Variants in NF2 observed in about 807,000 individuals in gnomAD.
NF2 encodes NF2, moesin-ezrin-radixin like (MERLIN) tumor suppressor.
A neutral mutation model predicts 83.7 loss-of-function variants in NF2; 8 were observed. The ratio of observed to expected loss-of-function variants is 0.10; its 90% CI spans 0.06 to 0.17. The LOEUF is 0.17. Ranked by LOEUF, NF2 falls within the 10% of genes least tolerant of loss-of-function variation. The probability of loss-of-function intolerance (pLI) is 1.00; values close to 1 mark genes in which losing one functional copy is unlikely to be tolerated. For synonymous variants in NF2, 266 were observed against 269.6 expected (o/e 0.99, Z 0.13); for missense variants, 533 against 744.4 (o/e 0.72, Z 3.31).
intron 15 of NF2, among the ~76,000 whole-genome samples, chr22:29,690,017 G>T (rs1327088087): frequency 5.9e-5 from 9 of 152,250 alleles, no homozygotes; most frequent in Non-Finnish European, 1.2e-4. Context: ...TTCCAGCAGG[G>T]GGCACTCAGG....
intron 4 of NF2, among the ~76,000 whole-genome samples, chr22:29,652,019 C>A (rs538021638): frequency 3.9e-5 from 6 of 152,224 alleles, no homozygotes; most frequent in South Asian, 2.1e-4. Flanking sequence ...TCACCATAAG[C>A]CATGTGCTGT....
rs181779066 is a variant in NF2 at position 29,649,928 on chromosome 22, C to T, written c.448-4729C>T. Among the ~76,000 whole-genome samples, 4 of 152,194 alleles carry T rather than the reference C, an allele frequency of 2.6e-5. No homozygotes were observed. The East Asian group carries it at 5.8e-4, about 22-fold the overall frequency. ...AAGGATAAATGCTTGAGGGGATGGA[C>T]ACCCCATTCTCCATGATGTGATTAT... On this transcript the variant is annotated intron_variant, in intron 4 of 15. Transcript: ENST00000338641.
intron 1 of NF2, among the ~76,000 whole-genome samples, chr22:29,612,480 C>T (rs897505161): frequency 1.3e-5 from 2 of 151,324 alleles, no homozygotes; most frequent in Admixed American, 1.3e-4. Context: ...GCGCGATCAT[C>T]CCTAGCTTTT....
chr22:29,660,145 A>G (rs2066434389), intron 7 of NF2, among the ~76,000 whole-genome samples: 1 of 152,172 alleles, frequency 6.6e-6, no homozygotes, highest in African/African-American at 2.4e-5. Flanking sequence ...AGACCACAGC[A>G]CTGGCGGGTG....
chr22:29,617,370 A>C (rs747887717), intron 1 of NF2, among the ~76,000 whole-genome samples: 1 of 152,134 alleles, frequency 6.6e-6, no homozygotes, highest in Non-Finnish European at 1.5e-5. Context: ...GGCACTATTG[A>C]CATTTTGGCT....
chr22:29,617,444 C>T (rs2065109383), intron 1 of NF2, among the ~76,000 whole-genome samples: 3 of 152,064 alleles, frequency 2.0e-5, no homozygotes, highest in Non-Finnish European at 4.4e-5. Context: ...GATCTCTGGC[C>T]TCTACCTACT....
At chr22:29,643,386 G>C (rs2065867847) in intron 4 of NF2, among the ~76,000 whole-genome samples, 1 of 151,916 alleles carries the variant, frequency 6.6e-6, no homozygotes, top group African/African-American at 2.4e-5. Flanking sequence ...AAGGTCAGCA[G>C]ATAAACAAGT....
intron 7 of NF2, 61 bp from the exon 8 acceptor site, chr22:29,661,144 G>T (rs1478091071): frequency 6.2e-7 from 1 of 1,612,162 alleles, no homozygotes. Flanking sequence ...TCTTTGGAAG[G>T]TTGAATAAAA....
chr22:29,660,895 A>G (rs1391395543), intron 7 of NF2, among the ~76,000 whole-genome samples: 3 of 152,158 alleles, frequency 2.0e-5, no homozygotes, highest in East Asian at 1.9e-4. Flanking sequence ...TTCTATACCT[A>G]TGATAGCCTG....
At chr22:29,625,645 G>T (rs1036962297) in intron 1 of NF2, among the ~76,000 whole-genome samples, 1 of 152,196 alleles carries the variant, frequency 6.6e-6, no homozygotes, top group Non-Finnish European at 1.5e-5. Context: ...CATTTTTAGC[G>T]TGTCAAAATT....
Position 29,603,898 on chromosome 22 carries a change from C to G in NF2, c.-101C>G. ...ACCGTTCCCGGGCCGGGCAGCCGGC[C>G]ACCATGGTGGCCCTGAGGCCTGTGC... On this transcript the variant is annotated 5_prime_UTR_variant, in exon 1 of 16. Transcript: ENST00000338641. 8 of 915,516 alleles carry G rather than the reference C, an allele frequency of 8.7e-6. No individual in the cohort carries two copies. In the South Asian group the frequency reaches 1.2e-4, roughly 14 times the overall value. 56.7% of individuals were successfully genotyped at this position (915,516 alleles called of 1,614,324 possible).
chr22:29,681,994 C>CT (rs1324174811), intron 15 of NF2, among the ~76,000 whole-genome samples: 1 of 152,122 alleles, frequency 6.6e-6, no homozygotes, highest in Non-Finnish European at 1.5e-5. Flanking sequence ...CTTGTGGTGT[C>CT]TTTAAGTGGC....
chr22:29,606,027 T>C (rs2064785555), intron 1 of NF2, among the ~76,000 whole-genome samples: 1 of 152,190 alleles, frequency 6.6e-6, no homozygotes. Context: ...TGATCTCGCC[T>C]CACCGCAGCC....
chr22:29,656,263 T>G (rs1337544398), intron 6 of NF2, among the ~76,000 whole-genome samples: 1 of 152,080 alleles, frequency 6.6e-6, no homozygotes, highest in Non-Finnish European at 1.5e-5. Context: ...AAGAATTCTA[T>G]TGTATGGCTA....
chr22:29,683,161 C>T (rs1421137865), intron 15 of NF2: 3 of 1,613,270 alleles, frequency 1.9e-6, no homozygotes, highest in Non-Finnish European at 2.5e-6. Flanking sequence ...TCGGGCCACA[C>T]TGAGCCCTTA....
At position 29,694,667 on chromosome 22, in the gene NF2, A is replaced by G. The variant is rs2067495473; in HGVS notation, c.1738-85A>G. 1 of 1,406,762 alleles carries G rather than the reference A, an allele frequency of 7.1e-7. No individual in the cohort carries two copies. The highest frequency in any genetic ancestry group is 9.9e-7 in the Non-Finnish European group (1 of 1,005,808). 87.1% of individuals were successfully genotyped at this position (1,406,762 alleles called of 1,614,324 possible). A position where few individuals can be genotyped will look rare whatever the true frequency, so the allele number is the denominator to read the frequency against. The stretch of plus-strand genomic sequence containing the variant: ...TCCCTTTCGCTCCCAGCCACCTTTG[A>G]GGTGAGTCCAAGTGGCAGGACAGGA... On this transcript the variant is annotated intron_variant, in intron 15 of 15. Transcript: ENST00000338641. The surrounding 1 kb of genome is among the most constrained non-coding windows in gnomAD (Gnocchi z 4.1).
intron 15 of NF2, chr22:29,683,321 T>C (rs1030206995): frequency 3.4e-5 from 48 of 1,417,150 alleles, no homozygotes; most frequent in Non-Finnish European, 3.7e-5. Flanking sequence ...CAGCCATTCT[T>C]CCCATCTCGG....
At chr22:29,673,188 T>C (rs543743830) in intron 11 of NF2, 81 bp from the exon 12 acceptor site, 1 of 1,439,970 alleles carries the variant, frequency 6.9e-7, no homozygotes, top group Non-Finnish European at 9.5e-7. Flanking sequence ...CTCTGGTTTG[T>C]CCCATCTCAG....
intron 8 of NF2, among the ~76,000 whole-genome samples, chr22:29,664,371 CCACACACACACACA>C (rs35386801): frequency 3.4e-5 from 5 of 146,452 alleles, no homozygotes; most frequent in Non-Finnish European, 6.0e-5. Flanking sequence ...AAAGCTAATA[CCACACACACACACA>C]CACACACACA....
Sources: allele counts gnomAD v4.1 joint callset (sites outside exome capture counted in the v4.1 genomes callset), GRCh38; gene constraint gnomAD v4.1.1; non-coding constraint Gnocchi (gnomAD v3.1); transcripts MANE v1.5; gene names NCBI Gene and HGNC (gene_info 2026-07-23, HGNC 2026-07-21).